Variants in UBE2V1 observed in about 807,000 individuals in gnomAD.
The protein encoded by UBE2V1 is ubiquitin conjugating enzyme E2 V1.
UBE2V1 carries 15 observed loss-of-function variants against 19.6 expected under a neutral mutation model. The observed-to-expected ratio is 0.77, with a 90% confidence interval of 0.51 to 1.18. UBE2V1 has a LOEUF of 1.18. Ranked by LOEUF, UBE2V1 falls within the 50% of genes most tolerant of loss-of-function variation. The pLI is 0.00. For synonymous variants in UBE2V1, 60 were observed against 60.7 expected, an observed-to-expected ratio of 0.99 and a Z score of 0.05; for missense variants, 125 against 184.8, an observed-to-expected ratio of 0.68 and a Z score of 1.88.
chr20:50,100,547 T>G (rs980263067), intron 1 of UBE2V1, among the ~76,000 whole-genome samples: 2 of 151,688 alleles, frequency 1.3e-5, no homozygotes, highest in African/African-American at 4.9e-5. Flanking sequence ...GTTGCACCAC[T>G]GCACTCCAGC....
At chr20:50,085,562 ACCCTCTCCGGCATCCGTG>A (rs1225730746) in intron 2 of UBE2V1, among the ~76,000 whole-genome samples, 2 of 151,786 alleles carry the variant, frequency 1.3e-5, no homozygotes, top group Non-Finnish European at 1.5e-5. Context: ...CGGCATCAGT[ACCCTCTCCGGCATCCGTG>A]CCCTCTCCTC....
chr20:50,101,416 CTT>C (rs11474905), intron 1 of UBE2V1, among the ~76,000 whole-genome samples: 104 of 126,290 alleles, frequency 8.2e-4, no homozygotes, highest in African/African-American at 1.3e-3. Context: ...CCTCAAAGAA[CTT>C]TTTTTTTTTT....
Position 50,082,868 on chromosome 20 carries a change from T to C in UBE2V1, c.344A>G (p.Tyr115Cys), listed in dbSNP as rs547920922. Residue 115 changes from tyrosine to cysteine, a missense_variant, in exon 4 of 4, where the codon TAT becomes TGT. Physicochemically the swap from Tyr to Cys is radical, Grantham distance 194. This residue lies in a region of UBE2V1 where 78 missense variants were observed against 108.8 expected (regional missense o/e 0.72). Transcript: ENST00000371674. The stretch of plus-strand genomic sequence containing the variant: ...CTCTTGCAGGACAACTTTGATGCTA[T>C]ATGAATTCTGCCATTTTGCTAGCAC... ...ISVLAKWQNS[Y>C]SIKVVLQELR... The C allele has an allele frequency of 1.6e-5, 26 of 1,612,456 alleles. No individual in the cohort carries two copies. The South Asian group carries it at 2.2e-4, about 14-fold the overall frequency.
chr20:50,093,993 A>T (rs1469662476), intron 2 of UBE2V1, among the ~76,000 whole-genome samples: 1 of 114,506 alleles, frequency 8.7e-6, no homozygotes, highest in East Asian at 2.3e-4. Context: ...AACTCAAAAA[A>T]AAAAAAAAAA....
rs374126556 is a variant in UBE2V1 at position 50,081,916 on chromosome 20, AGAGT to A, written c.*848_*851del. ...CAATATTCATTTCCCAGGCTGGTGGAGAGTGAGTGAGTATGGTTCCAAAACTAAA... is the reference window on the plus strand; with the variant it reads ...CAATATTCATTTCCCAGGCTGGTGGAGAGTGAGTATGGTTCCAAAACTAAA... On this transcript the variant is annotated 3_prime_UTR_variant, in exon 4 of 4. Coordinates refer to ENST00000371674, the MANE Select transcript of UBE2V1 (RefSeq NM_001032288.3). 217 of 258,986 alleles carry A rather than the reference AGAGT, an allele frequency of 8.4e-4. No homozygotes were observed. Among genetic ancestry groups the A allele is most frequent in the Non-Finnish European group, 9.5e-4 (130 of 137,176 alleles). 16.0% of individuals were successfully genotyped at this position (258,986 alleles called of 1,614,324 possible). A position where few individuals can be genotyped will look rare whatever the true frequency, so the allele number is the denominator to read the frequency against.
intron 1 of UBE2V1, among the ~76,000 whole-genome samples, chr20:50,111,042 C>T (rs1409214778): frequency 6.6e-6 from 1 of 152,214 alleles, no homozygotes; most frequent in African/African-American, 2.4e-5. Context: ...AGCCTTCTCT[C>T]CCTGACTTGA....
At chr20:50,110,200 A>G (rs1054264942) in intron 1 of UBE2V1, among the ~76,000 whole-genome samples, 2 of 152,228 alleles carry the variant, frequency 1.3e-5, no homozygotes, top group African/African-American at 4.8e-5. Flanking sequence ...ACCAAGGGCC[A>G]CTATTTGATG....
intron 1 of UBE2V1, among the ~76,000 whole-genome samples, chr20:50,098,429 A>C (rs1321023178): frequency 6.6e-6 from 1 of 152,230 alleles, no homozygotes; most frequent in East Asian, 1.9e-4. Flanking sequence ...GCAAGGGCAG[A>C]AGCAGCTAGG....
intron 1 of UBE2V1, among the ~76,000 whole-genome samples, chr20:50,108,465 G>T: frequency 6.6e-6 from 1 of 152,148 alleles, no homozygotes; most frequent in Non-Finnish European, 1.5e-5. Flanking sequence ...AATGGGGGCT[G>T]GAAGAACGAT....
intron 1 of UBE2V1, among the ~76,000 whole-genome samples, chr20:50,101,783 G>A (rs2080017384): frequency 6.6e-6 from 1 of 151,992 alleles, no homozygotes; most frequent in Non-Finnish European, 1.5e-5. Flanking sequence ...AATAAAAACT[G>A]GGGTCTCCCT....
At chr20:50,105,334 G>C (rs1310956958) in intron 1 of UBE2V1, among the ~76,000 whole-genome samples, 1 of 152,196 alleles carries the variant, frequency 6.6e-6, no homozygotes, top group African/African-American at 2.4e-5. Context: ...TTGGAATTCA[G>C]AGATCCTGCA....
intron 1 of UBE2V1, chr20:50,104,535 T>C (rs1200639295): frequency 2.8e-5 from 5 of 177,566 alleles, no homozygotes; most frequent in Non-Finnish European, 4.2e-5. Context: ...CGGCTGCCTG[T>C]AGTCCCAGCT....
intron 1 of UBE2V1, among the ~76,000 whole-genome samples, chr20:50,112,475 G>T (rs2080821277): frequency 6.6e-6 from 1 of 152,038 alleles, no homozygotes; most frequent in Non-Finnish European, 1.5e-5. Context: ...CTTATCATGC[G>T]GAGACCCCCT....
chr20:50,103,654 C>T (rs936059746), intron 1 of UBE2V1, among the ~76,000 whole-genome samples: 4 of 152,134 alleles, frequency 2.6e-5, no homozygotes, highest in Non-Finnish European at 4.4e-5. Context: ...GATCTGCCCG[C>T]CTTGGCCTCC....
In UBE2V1 at chr20:50,089,087, G is replaced by T. The variant is rs143228467; in HGVS notation, c.172-4833C>A. Among the ~76,000 whole-genome samples, 419 of 152,234 alleles carry T rather than the reference G, an allele frequency of 2.8e-3. 10 individuals are homozygous for T. The East Asian group carries it at 0.052, about 19-fold the overall frequency. ...GGTTTTATAACAGAATTTAATATAA[G>T]ACATTGCTTAAACAGGCGTCAGTGG... On this transcript the variant is annotated intron_variant, in intron 2 of 3. Coordinates refer to ENST00000371674, the MANE Select transcript of UBE2V1 (RefSeq NM_001032288.3).
At chr20:50,113,497 G>T (rs1332792388), upstream of UBE2V1, among the ~76,000 whole-genome samples, 1 of 152,202 alleles carries the variant, frequency 6.6e-6, no homozygotes, top group Non-Finnish European at 1.5e-5. Context: ...TTCCTATCTA[G>T]ATCCTCACCA....
At chr20:50,108,268 G>A (rs1422827506) in intron 1 of UBE2V1, among the ~76,000 whole-genome samples, 2 of 152,200 alleles carry the variant, frequency 1.3e-5, no homozygotes, top group Non-Finnish European at 2.9e-5. Context: ...AGACAGAAAG[G>A]AGGATTTGGC....
chr20:50,115,108 T>A, upstream of UBE2V1: 1 of 173,304 alleles, frequency 5.8e-6, no homozygotes, highest in Non-Finnish European at 1.2e-5. Flanking sequence ...CCCACTTGCC[T>A]CACCATAGCC....
chr20:50,105,357 T>TA (rs2080286784), intron 1 of UBE2V1, among the ~76,000 whole-genome samples: 1 of 152,232 alleles, frequency 6.6e-6, no homozygotes, highest in African/African-American at 2.4e-5. Context: ...CTTCAGGATG[T>TA]ATCAGTGACA....
Sources: allele counts gnomAD v4.1 joint callset (sites outside exome capture counted in the v4.1 genomes callset), GRCh38; gene constraint gnomAD v4.1.1; regional missense constraint gnomAD v4.1.1; transcripts MANE v1.5; gene names NCBI Gene and HGNC (gene_info 2026-07-23, HGNC 2026-07-21).